The following ALDH1A2 variants were observed in gnomAD, a reference collection of about 807,000 sequenced individuals.
The protein encoded by ALDH1A2 is aldehyde dehydrogenase 1 family member A2, also known as retinal dehydrogenase 2.
In ALDH1A2, 27 loss-of-function variants were observed where a neutral mutation model predicts 60.3. That is an observed-to-expected ratio of 0.45 (90% CI 0.33 to 0.62). The LOEUF is 0.62. Among genes scored for constraint, ALDH1A2 ranks in the 20% least tolerant of loss-of-function variants. The probability of loss-of-function intolerance (pLI) is 0.02; values close to 1 mark genes in which losing one functional copy is unlikely to be tolerated. For missense variants in ALDH1A2, 581 were observed against 643.8 expected, an observed-to-expected ratio of 0.90 and a Z score of 1.06; for synonymous variants, 289 against 232.4, an observed-to-expected ratio of 1.24 and a Z score of -2.21.
intron 1 of ALDH1A2, among the ~76,000 whole-genome samples, chr15:58,026,596 G>C (rs763433326): frequency 6.6e-6 from 1 of 152,166 alleles, no homozygotes; most frequent in Non-Finnish European, 1.5e-5. Flanking sequence ...AAGGGGTCAG[G>C]GGATTTCCCT....
At chr15:57,987,709 T>A (rs576226791) in intron 7 of ALDH1A2, among the ~76,000 whole-genome samples, 16 of 151,750 alleles carry the variant, frequency 1.1e-4, no homozygotes, top group Non-Finnish European at 1.8e-4. Flanking sequence ...TGGAACCCCG[T>A]CTCTGCTAAA....
rs374606685 is a variant in ALDH1A2, at chr15:57,955,161, C to T, written c.*36G>A. On this transcript the variant is annotated 3_prime_UTR_variant, in exon 13 of 13. Transcript: ENST00000249750. Reference sequence around the variant, plus strand: ...TACAGAGAAAGCAGAGAGGGACAGACGTGCAGGCTGGGCTTCATCCTCCTT... The same window carrying T: ...TACAGAGAAAGCAGAGAGGGACAGATGTGCAGGCTGGGCTTCATCCTCCTT... 1,222 of 1,594,088 alleles carry T rather than the reference C, an allele frequency of 7.7e-4. 19 individuals carry two copies. In the South Asian group the frequency reaches 0.012, roughly 15 times the overall value.
chr15:58,013,823 G>A lies in ALDH1A2; in HGVS notation c.363+35C>T, dbSNP rs575781986. On this transcript the variant is annotated intron_variant, in intron 3 of 12. Transcript: ENST00000249750. ...TAAATTTCAGCAGAATGGCAAATGT[G>A]GGTTAAAGACTTAATGTTTTCTTAG... 27 of 1,613,176 alleles carry A rather than the reference G, an allele frequency of 1.7e-5. 1 individual carries two copies. The South Asian group carries it at 3.0e-4, about 18-fold the overall frequency.
chr15:57,977,783 G>T, intron 7 of ALDH1A2, among the ~76,000 whole-genome samples: 1 of 151,298 alleles, frequency 6.6e-6, no homozygotes, highest in South Asian at 2.2e-4. Flanking sequence ...GGATAGCATT[G>T]AATTTATAAA....
At chr15:57,971,192 C>T (rs1288267901) in intron 7 of ALDH1A2, among the ~76,000 whole-genome samples, 1 of 152,196 alleles carries the variant, frequency 6.6e-6, no homozygotes, top group Non-Finnish European at 1.5e-5. Flanking sequence ...TGTGTCTTTG[C>T]ATAAGCTGCT....
intron 11 of ALDH1A2, 114 bp from the exon 12 acceptor site, chr15:57,960,958 AAAATT>A: frequency 7.4e-7 from 1 of 1,348,678 alleles, no homozygotes; most frequent in Non-Finnish European, 1.0e-6. Flanking sequence ...TCCAGAGGAA[AAAATT>A]GTAATTTAAA....
rs142100094 is a variant in ALDH1A2 at position 57,978,164 on chromosome 15, C to A, written c.799-12337G>T. On this transcript the variant is annotated intron_variant, in intron 7 of 12. Transcript: ENST00000249750. ...CAGAGACAATTTGACTTCCTCTCTT[C>A]CTAATTGAATACCCTTTATTTCTTT... Among the ~76,000 whole-genome samples, 918 of 152,280 alleles carry A rather than the reference C, an allele frequency of 6.0e-3. 5 individuals carry two copies. Among genetic ancestry groups the A allele is most frequent in the Non-Finnish European group, 0.01 (688 of 68,034 alleles).
At chr15:57,977,510 T>C (rs1894304467) in intron 7 of ALDH1A2, among the ~76,000 whole-genome samples, 1 of 152,210 alleles carries the variant, frequency 6.6e-6, no homozygotes, top group Admixed American at 6.5e-5. Flanking sequence ...TTGTCAAAGA[T>C]CAGATGGTTG....
chr15:58,014,361 T>C, intron 1 of ALDH1A2, 80 bp from the exon 2 acceptor site: 1 of 1,036,870 alleles, frequency 9.6e-7, no homozygotes, highest in Non-Finnish European at 1.5e-6. Flanking sequence ...ACGGAACTAC[T>C]ATGGTAATAA....
At position 57,961,295 on chromosome 15, in the gene ALDH1A2, C is replaced by G; in HGVS notation, c.1252-1G>C. 6.2e-7 allele frequency: 1 copy of G among 1,613,718 alleles called. No homozygotes were observed. The highest frequency in any genetic ancestry group is 8.5e-7 in the Non-Finnish European group (1 of 1,179,966). ...AAATTTCCTGAACAGGGCCAAAGAT[C>G]TGCAAAAAGATAATATGACTCAACA... On this transcript the variant is annotated splice_acceptor_variant, in intron 10 of 12. Transcript: ENST00000249750. LOFTEE classifies it high-confidence loss of function.
At chr15:57,971,137 G>C (rs1180674113) in intron 7 of ALDH1A2, among the ~76,000 whole-genome samples, 1 of 152,102 alleles carries the variant, frequency 6.6e-6, no homozygotes, top group Non-Finnish European at 1.5e-5. Flanking sequence ...ACTCACCCAC[G>C]ACTCTAGGCA....
At chr15:57,991,210 G>A (rs1236711606) in intron 7 of ALDH1A2, among the ~76,000 whole-genome samples, 1 of 152,098 alleles carries the variant, frequency 6.6e-6, no homozygotes. Flanking sequence ...TAAATTGATT[G>A]CATCTTTAGT....
At chr15:57,967,118 G>A (rs150121228) in intron 7 of ALDH1A2, among the ~76,000 whole-genome samples, 36 of 151,966 alleles carry the variant, frequency 2.4e-4, no homozygotes, top group Admixed American at 1.4e-3. Flanking sequence ...CGACTTCGCA[G>A]GCAGCGGAGA....
At chr15:58,045,492 CCCAAATGT>C (rs1321177357) in intron 1 of ALDH1A2, among the ~76,000 whole-genome samples, 1 of 152,070 alleles carries the variant, frequency 6.6e-6, no homozygotes, top group African/African-American at 2.4e-5. Context: ...TTGGAACCAA[CCCAAATGT>C]CCATCAATGA....
At chr15:58,007,844 A>C (rs961595587) in intron 4 of ALDH1A2, among the ~76,000 whole-genome samples, 1 of 151,186 alleles carries the variant, frequency 6.6e-6, no homozygotes, top group African/African-American at 2.4e-5. Context: ...AGCTGATGTT[A>C]AATTATGGAG....
At chr15:58,020,103 T>A (rs1401434898) in intron 1 of ALDH1A2, among the ~76,000 whole-genome samples, 14 of 152,038 alleles carry the variant, frequency 9.2e-5, no homozygotes. Flanking sequence ...CCTGTGTTAG[T>A]TTGCTGAGGA....
chr15:57,967,881 A>G (rs1421063329), intron 7 of ALDH1A2, among the ~76,000 whole-genome samples: 1 of 152,198 alleles, frequency 6.6e-6, no homozygotes, highest in Non-Finnish European at 1.5e-5. Flanking sequence ...TCACACAGAC[A>G]TGGTCCTCTG....
intron 7 of ALDH1A2, among the ~76,000 whole-genome samples, chr15:57,982,997 G>A (rs1467771714): frequency 9.2e-5 from 14 of 152,178 alleles, no homozygotes; most frequent in African/African-American, 3.4e-4. Flanking sequence ...GGTTCTTAGG[G>A]ATGTGTTGTT....
chr15:58,017,194 G>A lies in ALDH1A2; in HGVS notation c.118-2913C>T, dbSNP rs534937837. Reference sequence around the variant, plus strand: ...TAACCCATTAATTATTTAATAGGAAGGACTTCATCATTTAGTATTTTGCAC... The same window carrying A: ...TAACCCATTAATTATTTAATAGGAAAGACTTCATCATTTAGTATTTTGCAC... On this transcript the variant is annotated intron_variant, in intron 1 of 12. Transcript: ENST00000249750. Among the ~76,000 whole-genome samples, 40 of 152,268 alleles carry A rather than the reference G, an allele frequency of 2.6e-4. No homozygotes were observed. In the East Asian group the frequency reaches 6.6e-3, roughly 25 times the overall value.
Sources: allele counts gnomAD v4.1 joint callset (sites outside exome capture counted in the v4.1 genomes callset), GRCh38; gene constraint gnomAD v4.1.1; transcripts MANE v1.5; gene names NCBI Gene and HGNC (gene_info 2026-07-23, HGNC 2026-07-21).